Variants in IMMP2L observed in about 807,000 individuals in gnomAD.
The protein encoded by IMMP2L is inner mitochondrial membrane peptidase subunit 2, also known as mitochondrial inner membrane protease subunit 2.
IMMP2L carries 18 observed loss-of-function variants against 19.3 expected under a neutral mutation model. That is an observed-to-expected ratio of 0.93 (90% CI 0.64 to 1.38). The LOEUF (loss-of-function observed/expected upper bound fraction) is 1.38, where lower values mean the gene tolerates loss of function less well. IMMP2L is among the 40% of genes most tolerant of loss of function. IMMP2L has a pLI of 0.00. For synonymous variants in IMMP2L, 76 were observed against 73.0 expected (o/e 1.04, Z -0.21); for missense variants, 233 against 218.2 (o/e 1.07, Z -0.43).
intron 3 of IMMP2L, among the ~76,000 whole-genome samples, chr7:111,444,598 C>T (rs1411564275): frequency 1.3e-5 from 2 of 152,092 alleles, no homozygotes; most frequent in Non-Finnish European, 1.5e-5. Context: ...CTTCATTCTC[C>T]TTCTCTTCAT....
Position 111,256,343 on chromosome 7 carries a change from C to A in IMMP2L, c.239+230895G>T, listed in dbSNP as rs563181205. On this transcript the variant is annotated intron_variant, in intron 3 of 5. Coordinates refer to ENST00000405709, the MANE Select transcript of IMMP2L (RefSeq NM_032549.4). Reference sequence around the variant, plus strand: ...CAAATGATGTACATATGAACTATAACAATTTTTTATTTGAAAAATAATGTT... The same window carrying A: ...CAAATGATGTACATATGAACTATAAAAATTTTTTATTTGAAAAATAATGTT... Among the ~76,000 whole-genome samples the A allele has an allele frequency of 2.6e-5, 4 of 152,108 alleles. 1 individual carries two copies. The South Asian group carries it at 8.3e-4, about 32-fold the overall frequency.
At chr7:111,393,543 C>G (rs1832590791) in intron 3 of IMMP2L, among the ~76,000 whole-genome samples, 1 of 152,144 alleles carries the variant, frequency 6.6e-6, no homozygotes, top group Admixed American at 6.5e-5. Flanking sequence ...TCTGTAAACT[C>G]TGCATGCTAG....
At chr7:111,462,318 C>T (rs1180421089) in intron 3 of IMMP2L, among the ~76,000 whole-genome samples, 1 of 151,854 alleles carries the variant, frequency 6.6e-6, no homozygotes, top group Non-Finnish European at 1.5e-5. Context: ...GATTATTTTT[C>T]TTCTAAATTT....
chr7:110,749,934 A>G (rs1797621590), intron 5 of IMMP2L, among the ~76,000 whole-genome samples: 1 of 152,070 alleles, frequency 6.6e-6, no homozygotes, highest in Non-Finnish European at 1.5e-5. Flanking sequence ...GTTAAACTTC[A>G]GATTAGAGCA....
At chr7:111,243,460 A>G (rs1304380222) in intron 3 of IMMP2L, among the ~76,000 whole-genome samples, 10 of 151,888 alleles carry the variant, frequency 6.6e-5, no homozygotes, top group African/African-American at 2.2e-4. Flanking sequence ...TATAATTTTA[A>G]AAGTTATATG....
chr7:110,696,928 G>A (rs1793931395), intron 5 of IMMP2L, among the ~76,000 whole-genome samples: 1 of 152,134 alleles, frequency 6.6e-6, no homozygotes, highest in Non-Finnish European at 1.5e-5. Flanking sequence ...GATCCAGGTG[G>A]AGGGCTCAAT....
Position 111,487,238 on chromosome 7 carries a change from A to G in IMMP2L, c.239T>C (p.Val80Ala), listed in dbSNP as rs1349648846. 1 of 1,448,240 alleles carries G rather than the reference A, an allele frequency of 6.9e-7. No individual in the cohort carries two copies. The highest frequency in any genetic ancestry group is 1.1e-5 in the South Asian group (1 of 87,126). 89.7% of individuals were successfully genotyped at this position (1,448,240 alleles called of 1,614,324 possible). The change falls in exon 3 of 6, where the codon GTG (valine) becomes GCG (alanine). Residue 80 changes from valine to alanine, a missense_variant and splice_region_variant. By Grantham distance (64) the Val-to-Ala change is moderately conservative. Coordinates refer to ENST00000405709, the MANE Select transcript of IMMP2L (RefSeq NM_032549.4). ...TATAGTATGCTTCTGAGTTACTTAC[A>G]CCAATGATACAATGTCACCACGGTG... ...EVHRGDIVSL[V>A]SPKNPEQKII...
chr7:111,040,765 T>A, intron 3 of IMMP2L, among the ~76,000 whole-genome samples: 1 of 149,552 alleles, frequency 6.7e-6, no homozygotes, highest in Non-Finnish European at 1.5e-5. Context: ...TAAAACCTTA[T>A]AAAACTATAT....
chr7:110,932,349 T>A (rs997725340), intron 4 of IMMP2L, among the ~76,000 whole-genome samples: 2 of 152,132 alleles, frequency 1.3e-5, no homozygotes, highest in Non-Finnish European at 2.9e-5. Flanking sequence ...TTATTGAGAA[T>A]GCAGTTTTTT....
intron 3 of IMMP2L, among the ~76,000 whole-genome samples, chr7:111,211,390 G>C (rs1019040230): frequency 1.3e-5 from 2 of 152,134 alleles, no homozygotes; most frequent in African/African-American, 4.8e-5. Context: ...AAAAAGGAAA[G>C]ACATAAGAAA....
intron 3 of IMMP2L, among the ~76,000 whole-genome samples, chr7:111,402,991 A>ACCCCCCCCCCCCCCCCCCCCCCCCC (rs781654530): frequency 4.0e-4 from 18 of 45,506 alleles, no homozygotes; most frequent in African/African-American, 6.6e-4. Flanking sequence ...TGCAGCCTTG[A>ACCCCCCCCCCCCCCCCCCCCCCCCC]CCCCCCCCCC....
chr7:111,406,311 C>A (rs1010824517), intron 3 of IMMP2L, among the ~76,000 whole-genome samples: 18 of 151,990 alleles, frequency 1.2e-4, no homozygotes, highest in African/African-American at 4.1e-4. Flanking sequence ...TAAAATATAT[C>A]CAGAATCTGG....
At chr7:110,744,092 C>T (rs1797165610) in intron 5 of IMMP2L, among the ~76,000 whole-genome samples, 1 of 152,146 alleles carries the variant, frequency 6.6e-6, no homozygotes, top group Admixed American at 6.5e-5. Context: ...TCCACCATTG[C>T]TGAGGCTTAA....
chr7:111,109,967 C>T (rs1446959870), intron 3 of IMMP2L, among the ~76,000 whole-genome samples: 1 of 152,082 alleles, frequency 6.6e-6, no homozygotes, highest in African/African-American at 2.4e-5. Flanking sequence ...AACACTGTGT[C>T]TATTAAAATT....
chr7:111,558,047 T>C (rs1791579693), intron 1 of IMMP2L, among the ~76,000 whole-genome samples: 1 of 151,944 alleles, frequency 6.6e-6, no homozygotes, highest in Non-Finnish European at 1.5e-5. Flanking sequence ...AGTATGAAGA[T>C]GACAAAGAAA....
chr7:110,759,552 T>C (rs181643955), intron 5 of IMMP2L, among the ~76,000 whole-genome samples: 2 of 152,238 alleles, frequency 1.3e-5, no homozygotes, highest in East Asian at 1.9e-4. Flanking sequence ...AAGTATTTTA[T>C]AAAGAGGCCC....
At chr7:111,220,064 C>T (rs1441959685) in intron 3 of IMMP2L, among the ~76,000 whole-genome samples, 1 of 151,998 alleles carries the variant, frequency 6.6e-6, no homozygotes, top group Admixed American at 6.6e-5. Flanking sequence ...CACTTATCTA[C>T]TAGGTTAGTG....
intron 3 of IMMP2L, among the ~76,000 whole-genome samples, chr7:110,987,516 T>C (rs1821985580): frequency 6.6e-6 from 1 of 152,198 alleles, no homozygotes; most frequent in Non-Finnish European, 1.5e-5. Flanking sequence ...CAAACTGCGT[T>C]CCAGGGAACA....
chr7:111,286,259 G>A (rs1047532896), intron 3 of IMMP2L, among the ~76,000 whole-genome samples: 2 of 152,154 alleles, frequency 1.3e-5, no homozygotes, highest in African/African-American at 4.8e-5. Flanking sequence ...CTCAGGAGAA[G>A]TTTAGCTATT....
Sources: allele counts gnomAD v4.1 joint callset (sites outside exome capture counted in the v4.1 genomes callset), GRCh38; gene constraint gnomAD v4.1.1; transcripts MANE v1.5; gene names NCBI Gene and HGNC (gene_info 2026-07-23, HGNC 2026-07-21).